AMMECR1: variants seen among roughly 807,000 people sequenced by gnomAD.
AMMECR1 encodes the protein AMMECR nuclear protein 1, also known as nuclear protein AMMECR1.
Under a neutral mutation model 22.5 loss-of-function variants are expected in AMMECR1, and 3 were observed. The observed-to-expected ratio is 0.13, with a 90% CI of 0.06 to 0.35. The LOEUF is 0.35. Among genes scored for constraint, AMMECR1 ranks in the 10% least tolerant of loss-of-function variants. AMMECR1 has a pLI of 1.00. For missense variants in AMMECR1, 235 were observed against 278.7 expected, an observed-to-expected ratio of 0.84 and a Z score of 1.12; for synonymous variants, 130 against 116.7, an observed-to-expected ratio of 1.11 and a Z score of -0.74.
At chrX:110,434,707 C>A (rs913549838) in intron 1 of AMMECR1, among the ~76,000 whole-genome samples, 3 of 111,148 alleles carry the variant, frequency 2.7e-5, no homozygotes, top group Non-Finnish European at 3.8e-5. Flanking sequence ...TGCTGGATAG[C>A]GGACATGTCC....
At chrX:110,329,628 A>AT (rs2068112709) in intron 2 of AMMECR1, among the ~76,000 whole-genome samples, 1 of 111,673 alleles carries the variant, frequency 9.0e-6, no homozygotes, top group Non-Finnish European at 1.9e-5. Flanking sequence ...ATGGTATGTC[A>AT]TTTTTTTAAA....
At chrX:110,416,049 C>T (rs761132187) in intron 2 of AMMECR1, among the ~76,000 whole-genome samples, 1 of 109,858 alleles carries the variant, frequency 9.1e-6, no homozygotes, top group Admixed American at 9.7e-5. Context: ...ATGATTAACA[C>T]TCTGCCTTAA....
At chrX:110,410,207 C>T (rs1235015404) in intron 2 of AMMECR1, among the ~76,000 whole-genome samples, 1 of 111,338 alleles carries the variant, frequency 9.0e-6, no homozygotes, top group Non-Finnish European at 1.9e-5. Context: ...TTTTCCTCCC[C>T]TGTATTGGTG....
chrX:110,288,902 C>T (rs985484971), intron 1 of AMMECR1, among the ~76,000 whole-genome samples: 1 of 111,544 alleles, frequency 9.0e-6, no homozygotes, highest in African/African-American at 3.3e-5. Flanking sequence ...AAAATCAAGT[C>T]AAAATGAATA....
intron 2 of AMMECR1, among the ~76,000 whole-genome samples, chrX:110,341,361 A>G (rs1465594539): frequency 8.9e-6 from 1 of 112,653 alleles, no homozygotes; most frequent in East Asian, 2.8e-4. Context: ...CAGTCTCTAG[A>G]AGCTCTTACT....
chrX:110,357,366 A>T (rs951814493), intron 2 of AMMECR1, among the ~76,000 whole-genome samples: 6 of 111,983 alleles, frequency 5.4e-5, no homozygotes, highest in African/African-American at 1.6e-4. Context: ...TTACTTTTTT[A>T]AAAGTATTTC....
chrX:110,346,901 G>A (rs2068192321), intron 2 of AMMECR1: 2 of 602,458 alleles, frequency 3.3e-6, no homozygotes, highest in Non-Finnish European at 5.8e-6. Flanking sequence ...CGCTGGAGAA[G>A]CCAGACATGG....
intron 2 of AMMECR1, among the ~76,000 whole-genome samples, chrX:110,337,495 T>A (rs895166494): frequency 1.8e-5 from 2 of 111,405 alleles, no homozygotes; most frequent in Non-Finnish European, 3.8e-5. Context: ...GATTTGAAAA[T>A]CTCAATCCTA....
rs761139091 is a variant in AMMECR1 at position 110,247,691 on chromosome X, C to CA, written c.584+16797dup. 4.2e-3 allele frequency among the ~76,000 whole-genome samples: 371 copies of CA among 88,614 alleles called. 1 individual carries two copies. Among genetic ancestry groups the CA allele is most frequent in the East Asian group, 5.9e-3 (17 of 2,859 alleles). 77.0% of individuals were successfully genotyped at this position (88,614 alleles called of 115,157 possible). ...AGGCAACAGGAGTGAAACCCTGTCTCAAAAAAAAAAAAACAAACAAAAACG... is the reference window on the plus strand; with the variant it reads ...AGGCAACAGGAGTGAAACCCTGTCTCAAAAAAAAAAAAAACAAACAAAAACG... On this transcript the variant is annotated intron_variant, in intron 2 of 5. Transcript: ENST00000262844.
intron 2 of AMMECR1, among the ~76,000 whole-genome samples, chrX:110,388,583 C>A (rs747923505): frequency 2.7e-5 from 3 of 112,037 alleles, no homozygotes; most frequent in Non-Finnish European, 3.8e-5. Context: ...TTATTTAAAG[C>A]CTTGCCTTAG....
At chrX:110,372,693 G>C (rs746174432) in intron 2 of AMMECR1, among the ~76,000 whole-genome samples, 2 of 111,791 alleles carry the variant, frequency 1.8e-5, no homozygotes, top group South Asian at 3.7e-4. Flanking sequence ...AAAACACAGA[G>C]ACATACTGGA....
intron 1 of AMMECR1, among the ~76,000 whole-genome samples, chrX:110,290,202 TTA>T (rs767870187): frequency 8.9e-6 from 1 of 111,850 alleles, no homozygotes; most frequent in Non-Finnish European, 1.9e-5. Context: ...GAAAAAATAT[TTA>T]TGTGTTGCTA....
intron 1 of AMMECR1, among the ~76,000 whole-genome samples, chrX:110,287,345 A>G (rs1364327175): frequency 8.9e-6 from 1 of 112,248 alleles, no homozygotes; most frequent in Non-Finnish European, 1.9e-5. Flanking sequence ...CTAGTTGACA[A>G]AAACTGTCAA....
intron 2 of AMMECR1, among the ~76,000 whole-genome samples, chrX:110,406,117 T>A (rs1292899429): frequency 9.1e-6 from 1 of 110,226 alleles, no homozygotes; most frequent in Non-Finnish European, 1.9e-5. Context: ...GAAAGTGGTT[T>A]TTTTTTTTTC....
intron 2 of AMMECR1, among the ~76,000 whole-genome samples, chrX:110,378,130 C>T (rs969152088): frequency 1.8e-5 from 2 of 110,774 alleles, no homozygotes; most frequent in East Asian, 2.8e-4. Flanking sequence ...ATAAATCTTG[C>T]GTTATTCTGC....
chrX:110,259,523 C>T (rs1238560694), intron 2 of AMMECR1, among the ~76,000 whole-genome samples: 1 of 110,221 alleles, frequency 9.1e-6, no homozygotes, highest in Non-Finnish European at 1.9e-5. Flanking sequence ...CTTGAATTTA[C>T]ATAAAGAAAT....
chrX:110,241,783 C>T (rs112206217), intron 2 of AMMECR1, among the ~76,000 whole-genome samples: 3,210 of 110,173 alleles, frequency 0.029, 123 homozygotes, highest in African/African-American at 0.1. Context: ...GGTTATAGAC[C>T]GACACACAAA....
chrX:110,394,807 C>A (rs1163841218), intron 2 of AMMECR1, among the ~76,000 whole-genome samples: 1 of 112,855 alleles, frequency 8.9e-6, no homozygotes, highest in Admixed American at 9.3e-5. Context: ...CTGTAAGTTG[C>A]AGCACTAGCT....
intron 2 of AMMECR1, among the ~76,000 whole-genome samples, chrX:110,405,447 T>C (rs1163076393): frequency 9.0e-6 from 1 of 111,611 alleles, no homozygotes; most frequent in East Asian, 2.8e-4. Context: ...CTCACCATCT[T>C]ACCATATCCA....
Sources: allele counts gnomAD v4.1 joint callset (sites outside exome capture counted in the v4.1 genomes callset), GRCh38; gene constraint gnomAD v4.1.1; transcripts MANE v1.5; gene names NCBI Gene and HGNC (gene_info 2026-07-23, HGNC 2026-07-21).